DNAH12: variants seen among roughly 807,000 people sequenced by gnomAD.
DNAH12 encodes axonemal beta dynein heavy chain 12.
In DNAH12, 285 loss-of-function variants were observed where a neutral mutation model predicts 371.5. That is an observed-to-expected ratio of 0.77 (90% CI 0.70 to 0.85). The LOEUF (loss-of-function observed/expected upper bound fraction) is 0.85, where lower values mean the gene tolerates loss of function less well. DNAH12 is among the 40% of genes least tolerant of loss of function. DNAH12 has a pLI of 0.00. For missense variants in DNAH12, 3,611 were observed against 3,689.4 expected, an observed-to-expected ratio of 0.98 and a Z score of 0.55; for synonymous variants, 1,200 against 1,213.0, an observed-to-expected ratio of 0.99 and a Z score of 0.22.
intron 27 of DNAH12, among the ~76,000 whole-genome samples, chr3:57,445,688 C>T (rs901983321): frequency 3.4e-5 from 4 of 116,430 alleles, no homozygotes; most frequent in Admixed American, 2.8e-4. Flanking sequence ...AATTCACGAA[C>T]TTACACTCAA....
intron 5 of DNAH12, among the ~76,000 whole-genome samples, chr3:57,509,861 T>TAAA (rs902155403): frequency 4.5e-3 from 211 of 46,448 alleles, no homozygotes; most frequent in Non-Finnish European, 6.2e-3. Context: ...GACTCCATCA[T>TAAA]AAAAAAAAAA....
intron 45 of DNAH12, among the ~76,000 whole-genome samples, chr3:57,390,430 T>A (rs1227946469): frequency 0.066 from 2,779 of 42,426 alleles, 323 homozygotes; most frequent in African/African-American, 0.15. Context: ...AAAAAATATA[T>A]ATATATATAT....
intron 4 of DNAH12, among the ~76,000 whole-genome samples, chr3:57,520,871 T>C (rs1185423685): frequency 6.6e-6 from 1 of 152,068 alleles, no homozygotes; most frequent in Non-Finnish European, 1.5e-5. Context: ...AGCTTGTTTT[T>C]TCATCCTCTT....
chr3:57,462,773 C>T lies in DNAH12; in HGVS notation c.2452G>A (p.Gly818Arg). ...TTTAAAACTTTTCTCAGTGTAGTTC[C>T]AGAGTCTGGAGTCAAGTCATAGCCT... ...IVGYDLTPDS[G>R]TTLRKVLKLN... The change falls in exon 18 of 74, where the codon GGA becomes AGA. Residue 818 changes from glycine (G) to arginine (R), a missense_variant. By Grantham distance (125) the Gly-to-Arg change is moderately radical. This residue lies in a region of DNAH12 where 1,314 missense variants were observed against 1,398.7 expected (regional missense o/e 0.94). Transcript: ENST00000495027. 2.6e-6 allele frequency: 4 copies of T among 1,551,384 alleles called. No individual in the cohort carries two copies. The highest frequency in any genetic ancestry group is 3.5e-6 in the Non-Finnish European group (4 of 1,146,914).
Position 57,445,185 on chromosome 3 carries a change from C to T in DNAH12, c.4414G>A (p.Glu1472Lys). The change falls in exon 28 of 74, where the codon GAA (glutamate) becomes AAA (lysine). Residue 1472 changes from glutamate (E) to lysine (K), a missense_variant. Physicochemically the swap from Glu to Lys is moderately conservative, Grantham distance 56. This residue lies in a region of DNAH12 where 2,266 missense variants were observed against 2,236.9 expected (regional missense o/e 1.01). Coordinates refer to ENST00000495027, the MANE Select transcript of DNAH12 (RefSeq NM_001366028.2). The part of the protein sequence containing the change: ...NLKLKYPNEN[E>K]DILLLRSIKD... ...TATTTAATACTTACAAGTATATCTTCATTTTCATTTGGGTATTTTAGTTTT... is the reference window on the plus strand; with the variant it reads ...TATTTAATACTTACAAGTATATCTTTATTTTCATTTGGGTATTTTAGTTTT... 2 of 1,540,648 alleles carry T rather than the reference C, an allele frequency of 1.3e-6. No homozygotes were observed. Among genetic ancestry groups the T allele is most frequent in the Non-Finnish European group, 1.8e-6 (2 of 1,140,442 alleles).
intron 58 of DNAH12, among the ~76,000 whole-genome samples, chr3:57,361,156 C>T (rs1447888458): frequency 6.6e-6 from 1 of 151,726 alleles, no homozygotes; most frequent in Non-Finnish European, 1.5e-5. Context: ...TCAAGACCAA[C>T]CTGGCCAACA....
intron 60 of DNAH12, among the ~76,000 whole-genome samples, chr3:57,345,624 A>G (rs1553657820): frequency 1.3e-5 from 2 of 152,200 alleles, no homozygotes; most frequent in Non-Finnish European, 2.9e-5. Context: ...AGGTGGCTAC[A>G]AAATTATTAC....
intron 62 of DNAH12, among the ~76,000 whole-genome samples, chr3:57,331,674 C>G (rs1388014753): frequency 6.6e-6 from 1 of 152,118 alleles, no homozygotes; most frequent in African/African-American, 2.4e-5. Context: ...CTATTGCAAT[C>G]ACTTTCAAAA....
chr3:57,470,222 A>G (rs990458512), intron 16 of DNAH12, among the ~76,000 whole-genome samples: 11 of 152,112 alleles, frequency 7.2e-5, no homozygotes, highest in Admixed American at 2.0e-4. Flanking sequence ...TGAAAATCCA[A>G]TCATTATGCT....
Position 57,459,710 on chromosome 3 carries a change from A to G in DNAH12, c.2813T>C (p.Leu938Ser), listed in dbSNP as rs1233689862. 1.9e-6 allele frequency: 3 copies of G among 1,547,788 alleles called. No homozygotes were observed. The highest frequency in any genetic ancestry group is 3.9e-5 in the Admixed American group (2 of 50,896). ...ATCCTCAGAACAAAAGATGGGCTCT[A>G]AGTACAGCCATTGAGCTTGTACTTT... Reference protein sequence around the residue: ...WLKVQAQWLYLEPIFCSEDIM... With the variant: ...WLKVQAQWLYSEPIFCSEDIM... The change falls in exon 20 of 74, where the codon TTA becomes TCA. Residue 938 changes from leucine to serine, a missense_variant. By Grantham distance (145) the Leu-to-Ser change is moderately radical. Transcript: ENST00000495027.
At chr3:57,437,478 T>A (rs3890160) in intron 29 of DNAH12, among the ~76,000 whole-genome samples, 1 of 151,942 alleles carries the variant, frequency 6.6e-6, no homozygotes, top group Non-Finnish European at 1.5e-5. Flanking sequence ...AATAAATATA[T>A]AAAAGAACTC....
At chr3:57,379,888 A>G (rs1437685007) in intron 51 of DNAH12, among the ~76,000 whole-genome samples, 11 of 151,146 alleles carry the variant, frequency 7.3e-5, no homozygotes, top group Admixed American at 7.2e-4. Context: ...TTGAGAGAAC[A>G]AATGGAAACA....
In DNAH12 at chr3:57,351,955, G is replaced by A. The variant is rs914084163; in HGVS notation, c.9674+130C>T. The A allele has an allele frequency of 1.3e-5, 12 of 940,550 alleles. No individual in the cohort carries two copies. In the Admixed American group the frequency reaches 2.5e-4, roughly 20 times the overall value. The allele number at this position is 940,550 out of a possible 1,614,324, so 58.3% of individuals were successfully genotyped here. ...TATCGTAGAAGCCATTGTTATCAGT[G>A]AAATGCACAAGTAAAATCATGACTT... On this transcript the variant is annotated intron_variant, in intron 60 of 73. Transcript: ENST00000495027.
At chr3:57,482,073 G>C (rs535235289) in intron 13 of DNAH12, among the ~76,000 whole-genome samples, 1 of 152,074 alleles carries the variant, frequency 6.6e-6, no homozygotes, top group African/African-American at 2.4e-5. Flanking sequence ...TGACAAATGG[G>C]ATCTAATTAA....
chr3:57,316,034 T>G (rs533473157), intron 65 of DNAH12, among the ~76,000 whole-genome samples: 1 of 152,262 alleles, frequency 6.6e-6, no homozygotes, highest in East Asian at 1.9e-4. Flanking sequence ...GTCAGAGTAG[T>G]TTGCCACAGT....
At chr3:57,435,245 C>G (rs1417408076) in intron 30 of DNAH12, among the ~76,000 whole-genome samples, 2 of 151,640 alleles carry the variant, frequency 1.3e-5, no homozygotes, top group African/African-American at 4.8e-5. Context: ...GATGGCATGT[C>G]CCTGTAGTCC....
At chr3:57,507,555 C>A in intron 8 of DNAH12, 88 bp downstream of exon 8, 2 of 905,244 alleles carry the variant, frequency 2.2e-6, no homozygotes, top group Non-Finnish European at 3.1e-6. Flanking sequence ...AAAATAATTA[C>A]TTAGCACTAT....
At chr3:57,372,742 T>C (rs1047236084) in intron 55 of DNAH12, among the ~76,000 whole-genome samples, 4 of 147,918 alleles carry the variant, frequency 2.7e-5, no homozygotes, top group South Asian at 2.1e-4. Flanking sequence ...AATGGAATCA[T>C]AAAAAACAAA....
chr3:57,501,813 A>AT (rs1385744935), intron 10 of DNAH12, among the ~76,000 whole-genome samples: 1 of 152,276 alleles, frequency 6.6e-6, no homozygotes, highest in South Asian at 2.1e-4. Flanking sequence ...CCCTTGAATT[A>AT]TTCCCAACAT....
Sources: gnomAD v4.1 joint callset for allele counts (sites outside exome capture counted in the v4.1 genomes callset) on GRCh38, gnomAD v4.1.1 for gene constraint, gnomAD v4.1.1 regional missense constraint, MANE v1.5 for transcripts, NCBI Gene and HGNC (gene_info 2026-07-23, HGNC 2026-07-21) for gene names.